BTBD7: variants seen among roughly 807,000 people sequenced by gnomAD.
BTBD7 encodes BTB/POZ domain-containing protein 7.
In BTBD7, 38 loss-of-function variants were observed where a neutral mutation model predicts 99.9. The ratio of observed to expected loss-of-function variants is 0.38; its 90% confidence interval spans 0.29 to 0.50. BTBD7 has a LOEUF of 0.50. Ranked by LOEUF, BTBD7 falls within the 20% of genes least tolerant of loss-of-function variation. BTBD7 has a pLI of 0.93. For missense variants in BTBD7, 1,170 were observed against 1,394.6 expected, an observed-to-expected ratio of 0.84 and a Z score of 2.57; for synonymous variants, 520 against 511.4, an observed-to-expected ratio of 1.02 and a Z score of -0.23.
intron 1 of BTBD7, among the ~76,000 whole-genome samples, chr14:93,315,089 T>C (rs2053183671): frequency 6.6e-6 from 1 of 152,164 alleles, no homozygotes; most frequent in Admixed American, 6.5e-5. Context: ...TTCCTCCTTC[T>C]TACTGCAAAC....
chr14:93,238,394 G>A lies in BTBD7; in HGVS notation c.*3879C>T, dbSNP rs1702650488. ...AAACAGTAAAACACCTTTTAGCAGTGTGCATGTTAAGTCTTTTAGTAAGAT... is the reference window on the plus strand; with the variant it reads ...AAACAGTAAAACACCTTTTAGCAGTATGCATGTTAAGTCTTTTAGTAAGAT... On this transcript the variant is annotated 3_prime_UTR_variant, in exon 11 of 11. Coordinates refer to ENST00000334746, the MANE Select transcript of BTBD7 (RefSeq NM_001002860.4). 1 of 152,552 alleles carries A rather than the reference G, an allele frequency of 6.6e-6. No individual in the cohort carries two copies. Among genetic ancestry groups the A allele is most frequent in the African/African-American group, 2.4e-5 (1 of 41,440 alleles). The allele number at this position is 152,552 out of a possible 1,614,324, so 9.4% of individuals were successfully genotyped here.
intron 3 of BTBD7, among the ~76,000 whole-genome samples, chr14:93,284,111 A>T (rs1431749745): frequency 6.6e-6 from 1 of 152,230 alleles, no homozygotes; most frequent in African/African-American, 2.4e-5. Context: ...TAGTTCTTTG[A>T]TCTAAATTAT....
chr14:93,309,170 G>C (rs960632804), intron 1 of BTBD7, among the ~76,000 whole-genome samples: 1 of 152,090 alleles, frequency 6.6e-6, no homozygotes, highest in Non-Finnish European at 1.5e-5. Flanking sequence ...AGTTTACCAA[G>C]GGCTTTTTCA....
intron 5 of BTBD7, 145 bp from the exon 6 acceptor site, chr14:93,257,500 C>T (rs1319401851): frequency 3.0e-6 from 2 of 677,648 alleles, no homozygotes; most frequent in Non-Finnish European, 4.5e-6. Context: ...CAATTATTTT[C>T]TTTCATGTTT....
intron 3 of BTBD7, among the ~76,000 whole-genome samples, chr14:93,285,558 G>A (rs148550818): frequency 2.0e-3 from 303 of 152,288 alleles, no homozygotes; most frequent in African/African-American, 6.4e-3. Context: ...TTGCTCTGAG[G>A]TCAACAGTAT....
intron 1 of BTBD7, among the ~76,000 whole-genome samples, chr14:93,306,020 C>T (rs2053065547): frequency 6.6e-6 from 1 of 152,200 alleles, no homozygotes; most frequent in South Asian, 2.1e-4. Flanking sequence ...AACTGACATA[C>T]AGATTTGGGG....
chr14:93,250,445 C>T (rs909031456), intron 8 of BTBD7, among the ~76,000 whole-genome samples: 22 of 152,144 alleles, frequency 1.4e-4, no homozygotes, highest in African/African-American at 4.6e-4. Flanking sequence ...AGTAAATATG[C>T]AGTGGCCAAA....
chr14:93,242,192 T>C lies in BTBD7; in HGVS notation c.*81A>G. ...AAACCGAGTTATCAGCTGGCATTGA[T>C]GAACTGGTCTGTAAGTTGTTGGGTT... is the stretch of plus-strand genomic sequence containing the variant. On this transcript the variant is annotated 3_prime_UTR_variant, in exon 11 of 11. Coordinates refer to ENST00000334746, the MANE Select transcript of BTBD7 (RefSeq NM_001002860.4). 7.7e-7 allele frequency: 1 copy of C among 1,298,536 alleles called. No homozygotes were observed. Among genetic ancestry groups the C allele is most frequent in the Non-Finnish European group, 1.1e-6 (1 of 929,578 alleles). 80.4% of individuals were successfully genotyped at this position (1,298,536 alleles called of 1,614,324 possible).
chr14:93,251,392 T>C, intron 8 of BTBD7, 71 bp downstream of exon 8: 1 of 1,464,242 alleles, frequency 6.8e-7, no homozygotes, highest in Admixed American at 1.9e-5. Flanking sequence ...ACAGAGAGGC[T>C]CAAACATCAG....
chr14:93,303,176 G>A (rs771878159), intron 1 of BTBD7, among the ~76,000 whole-genome samples: 1 of 152,184 alleles, frequency 6.6e-6, no homozygotes, highest in Non-Finnish European at 1.5e-5. Flanking sequence ...AAAAGATCTT[G>A]ATGCAGAAAG....
At chr14:93,322,396 G>A (rs934165333) in intron 1 of BTBD7, among the ~76,000 whole-genome samples, 1 of 152,064 alleles carries the variant, frequency 6.6e-6, no homozygotes, top group African/African-American at 2.4e-5. Flanking sequence ...TGGGATTATA[G>A]GGGTGAGCCA....
intron 3 of BTBD7, among the ~76,000 whole-genome samples, chr14:93,271,794 CAGG>C (rs569853280): frequency 2.8e-4 from 43 of 151,118 alleles, no homozygotes; most frequent in Non-Finnish European, 5.2e-4. Flanking sequence ...CGTTTGGGCT[CAGG>C]AGTTTTGAGA....
chr14:93,250,939 G>C (rs2052362069), intron 8 of BTBD7, among the ~76,000 whole-genome samples: 1 of 152,138 alleles, frequency 6.6e-6, no homozygotes, highest in South Asian at 2.1e-4. Flanking sequence ...TAGTGCATTT[G>C]ACCCTCCCAA....
At chr14:93,243,360 AT>A (rs1230153946) in intron 10 of BTBD7, among the ~76,000 whole-genome samples, 1 of 151,936 alleles carries the variant, frequency 6.6e-6, no homozygotes, top group Non-Finnish European at 1.5e-5. Flanking sequence ...CGCCCAGCTA[AT>A]TTTTTGTATT....
intron 3 of BTBD7, chr14:93,288,412 T>C: frequency 1.5e-6 from 1 of 657,338 alleles, no homozygotes; most frequent in Non-Finnish European, 2.7e-6. Flanking sequence ...ATTTCTGCTA[T>C]CTTATTTCTA....
intron 1 of BTBD7, among the ~76,000 whole-genome samples, chr14:93,296,469 G>A (rs901831538): frequency 6.6e-6 from 1 of 152,052 alleles, no homozygotes; most frequent in Admixed American, 6.6e-5. Context: ...GAAAATAAAT[G>A]TTTTAATTTT....
intron 3 of BTBD7, among the ~76,000 whole-genome samples, chr14:93,281,158 G>A (rs953947649): frequency 1.3e-5 from 2 of 150,330 alleles, no homozygotes; most frequent in African/African-American, 2.5e-5. Context: ...GCACCACTAT[G>A]CCTGGCTCTT....
chr14:93,285,893 C>G (rs1241988906), intron 3 of BTBD7, among the ~76,000 whole-genome samples: 3 of 152,190 alleles, frequency 2.0e-5, no homozygotes, highest in Admixed American at 6.5e-5. Flanking sequence ...AGGAATTTAT[C>G]TCAAAGGACA....
At chr14:93,321,490 G>C (rs776091768) in intron 1 of BTBD7, among the ~76,000 whole-genome samples, 1 of 152,212 alleles carries the variant, frequency 6.6e-6, no homozygotes, top group Non-Finnish European at 1.5e-5. Flanking sequence ...CTGCTCGGGA[G>C]GCTGAGGCAG....
Sources: allele counts gnomAD v4.1 joint callset (sites outside exome capture counted in the v4.1 genomes callset), GRCh38; gene constraint gnomAD v4.1.1; transcripts MANE v1.5; gene names NCBI Gene and HGNC (gene_info 2026-07-23, HGNC 2026-07-21).